Variants in DRC8 observed in about 807,000 individuals in gnomAD.
The protein encoded by DRC8 is dynein regulatory complex protein 8.
At chr1:245,037,691 A>AAG in the DRC8 span, among the ~76,000 whole-genome samples, 1 of 152,186 alleles carries the variant, frequency 6.6e-6, no homozygotes. Context: ...GAAAAGATAG[A>AAG]AGAAAGAACT....
At chr1:245,120,330 A>T in the DRC8 span, among the ~76,000 whole-genome samples, 2 of 152,210 alleles carry the variant, frequency 1.3e-5, no homozygotes, top group African/African-American at 4.8e-5. Flanking sequence ...CCATACGCTC[A>T]GTTCCTAATT....
the DRC8 span, among the ~76,000 whole-genome samples, chr1:245,033,443 C>T: frequency 4.6e-5 from 7 of 152,170 alleles, no homozygotes; most frequent in African/African-American, 1.2e-4. Flanking sequence ...CTCCCACAAA[C>T]GCCTTCTATA....
At chr1:245,117,960 T>C in the DRC8 span, among the ~76,000 whole-genome samples, 1 of 151,978 alleles carries the variant, frequency 6.6e-6, no homozygotes, top group Non-Finnish European at 1.5e-5. Flanking sequence ...AGAGTGAGAC[T>C]CTGTCTCCAA....
At chr1:245,008,770 G>C in the DRC8 span, among the ~76,000 whole-genome samples, 1 of 151,158 alleles carries the variant, frequency 6.6e-6, no homozygotes, top group African/African-American at 2.4e-5. Context: ...CTGGGCTTAA[G>C]GGATCCTCCC....
chr1:245,099,494 C>T, the DRC8 span, among the ~76,000 whole-genome samples: 8 of 152,212 alleles, frequency 5.3e-5, no homozygotes, highest in Non-Finnish European at 1.2e-4. Context: ...CGCCCTGCCC[C>T]GACACCAGGC....
At chr1:245,032,288 A>G in the DRC8 span, among the ~76,000 whole-genome samples, 2 of 152,200 alleles carry the variant, frequency 1.3e-5, no homozygotes, top group African/African-American at 4.8e-5. Flanking sequence ...ACAAGTGTTC[A>G]GAGGTGCCAT....
the DRC8 span, among the ~76,000 whole-genome samples, chr1:245,055,751 C>T: frequency 1.3e-5 from 2 of 152,214 alleles, no homozygotes. Flanking sequence ...ATGACTCCTT[C>T]GAACTCTCTC....
chr1:245,003,359 T>C, the DRC8 span, among the ~76,000 whole-genome samples: 1 of 152,194 alleles, frequency 6.6e-6, no homozygotes, highest in Non-Finnish European at 1.5e-5. Context: ...TATGAGGAAC[T>C]ACGATACTGG....
At chr1:245,067,652 GC>G in the DRC8 span, among the ~76,000 whole-genome samples, 4 of 151,996 alleles carry the variant, frequency 2.6e-5, no homozygotes, top group Non-Finnish European at 4.4e-5. Flanking sequence ...TTCGGAATTG[GC>G]TTTTGAGTTA....
chr1:245,041,247 T>C, the DRC8 span, among the ~76,000 whole-genome samples: 1 of 151,826 alleles, frequency 6.6e-6, no homozygotes, highest in Non-Finnish European at 1.5e-5. Flanking sequence ...GTGAGGTCGC[T>C]AGAGAGTGGT....
the DRC8 span, among the ~76,000 whole-genome samples, chr1:245,002,726 C>T: frequency 2.0e-5 from 3 of 147,034 alleles, no homozygotes; most frequent in Admixed American, 1.4e-4. Context: ...TGCCATGTTG[C>T]TCAGGCCTTA....
the DRC8 span, among the ~76,000 whole-genome samples, chr1:245,044,659 C>T: frequency 8.5e-5 from 13 of 152,172 alleles, no homozygotes; most frequent in Admixed American, 5.2e-4. Flanking sequence ...CTCTACCTCC[C>T]GGGTTCAAGG....
At chr1:245,057,118 G>A in the DRC8 span, among the ~76,000 whole-genome samples, 1 of 152,146 alleles carries the variant, frequency 6.6e-6, no homozygotes, top group Non-Finnish European at 1.5e-5. Flanking sequence ...TTTGAACAAG[G>A]TTTGAACCGT....
At chr1:244,972,498 C>T in the DRC8 span, among the ~76,000 whole-genome samples, 1 of 152,194 alleles carries the variant, frequency 6.6e-6, no homozygotes, top group East Asian at 1.9e-4. Flanking sequence ...TTCATTTTAA[C>T]ATGTTTGTAG....
the DRC8 span, among the ~76,000 whole-genome samples, chr1:245,007,485 CTT>C: frequency 3.4e-3 from 514 of 152,186 alleles, 2 homozygotes; most frequent in African/African-American, 0.012. Flanking sequence ...AGGAGAATGT[CTT>C]TATTTTTAGG....
At chr1:245,047,635 C>CAAAAA in the DRC8 span, among the ~76,000 whole-genome samples, 2 of 103,894 alleles carry the variant, frequency 1.9e-5, no homozygotes, top group Admixed American at 1.2e-4. Flanking sequence ...ACTCCATCTC[C>CAAAAA]AAAAAAAAAA....
chr1:245,071,280 T>C, the DRC8 span, among the ~76,000 whole-genome samples: 5 of 152,166 alleles, frequency 3.3e-5, no homozygotes, highest in African/African-American at 7.2e-5. Flanking sequence ...AGAGCACTAA[T>C]GGTGATTCTG....
the DRC8 span, among the ~76,000 whole-genome samples, chr1:245,117,509 C>T: frequency 6.6e-6 from 1 of 152,068 alleles, no homozygotes; most frequent in South Asian, 2.1e-4. Context: ...AGTGCAACTT[C>T]GCCTCCCAGG....
At chr1:245,060,095 G>C in the DRC8 span, among the ~76,000 whole-genome samples, 292 of 152,284 alleles carry the variant, frequency 1.9e-3, 2 homozygotes, top group African/African-American at 6.6e-3. Context: ...TTTCAGAATT[G>C]CTTATCTAGG....
Sources: gnomAD v4.1 joint callset for allele counts (sites outside exome capture counted in the v4.1 genomes callset) on GRCh38, gnomAD v4.1.1 for gene constraint, MANE v1.5 for transcripts, NCBI Gene and HGNC (gene_info 2026-07-23, HGNC 2026-07-21) for gene names.